PNISR: variants seen among roughly 807,000 people sequenced by gnomAD.
PNISR encodes the protein PNN interacting serine and arginine rich protein, also known as arginine/serine-rich protein PNISR.
Under a neutral mutation model 93.4 loss-of-function variants are expected in PNISR, and 20 were observed. That is an observed-to-expected ratio of 0.21 (90% CI 0.15 to 0.31). The LOEUF (loss-of-function observed/expected upper bound fraction) is 0.31, where lower values mean the gene tolerates loss of function less well. PNISR is among the 10% of genes least tolerant of loss of function. The pLI is 1.00. For missense variants in PNISR, 893 were observed against 985.4 expected (o/e 0.91, Z 1.25); for synonymous variants, 305 against 306.5 (o/e 0.99, Z 0.05).
At chr6:99,405,098 T>C (rs1435154451) in intron 8 of PNISR, among the ~76,000 whole-genome samples, 1 of 151,978 alleles carries the variant, frequency 6.6e-6, no homozygotes, top group Admixed American at 6.6e-5. Context: ...TTTTATAAAA[T>C]ATTTTTAGAC....
intron 11 of PNISR, among the ~76,000 whole-genome samples, chr6:99,402,012 G>C (rs1158415646): frequency 1.3e-5 from 2 of 152,158 alleles, no homozygotes; most frequent in Non-Finnish European, 2.9e-5. Flanking sequence ...ACAGTATCAA[G>C]ATGTAGAGGT....
intron 1 of PNISR, among the ~76,000 whole-genome samples, chr6:99,418,345 C>T (rs986173351): frequency 6.6e-6 from 1 of 151,624 alleles, no homozygotes. Context: ...CTATGCAGGT[C>T]AAGCTGGTCT....
chr6:99,417,043 T>C (rs1472402393), intron 1 of PNISR, among the ~76,000 whole-genome samples: 1 of 152,236 alleles, frequency 6.6e-6, no homozygotes, highest in Non-Finnish European at 1.5e-5. Flanking sequence ...GAGGAAGCTG[T>C]TAACTTCTAC....
chr6:99,421,445 T>C (rs1182165287), intron 1 of PNISR, among the ~76,000 whole-genome samples: 1 of 152,204 alleles, frequency 6.6e-6, no homozygotes, highest in East Asian at 1.9e-4. Flanking sequence ...TTTGCAGATG[T>C]ATTCAAATTA....
intron 1 of PNISR, among the ~76,000 whole-genome samples, chr6:99,418,065 T>C (rs10457644): frequency 0.29 from 43,793 of 151,878 alleles, 6,892 homozygotes; most frequent in Middle Eastern, 0.4. Flanking sequence ...GAGGTTTCAC[T>C]TTATCTTTGA....
At chr6:99,408,814 TG>T (rs1776477213) in intron 6 of PNISR, among the ~76,000 whole-genome samples, 1 of 152,212 alleles carries the variant, frequency 6.6e-6, no homozygotes, top group Admixed American at 6.5e-5. Context: ...GTGCATCAGA[TG>T]AACTAAGAGT....
rs572285428 is a variant in PNISR, at chr6:99,398,130, C to T, written c.*2410G>A. On this transcript the variant is annotated 3_prime_UTR_variant, in exon 12 of 12. Transcript: ENST00000369239. ...CACCTCTTTCAAATTACATTTTATTCCCTTAATGGTGTGGTTTACCCCCAC... is the reference window on the plus strand; with the variant it reads ...CACCTCTTTCAAATTACATTTTATTTCCTTAATGGTGTGGTTTACCCCCAC... The T allele has an allele frequency of 1.4e-4, 21 of 152,184 alleles. No individual in the cohort carries two copies. In the South Asian group the frequency reaches 3.9e-3, roughly 29 times the overall value. The allele number at this position is 152,184 out of a possible 1,614,324, so 9.4% of individuals were successfully genotyped here.
intron 1 of PNISR, among the ~76,000 whole-genome samples, chr6:99,416,645 A>G (rs1777738009): frequency 6.6e-6 from 1 of 152,200 alleles, no homozygotes; most frequent in African/African-American, 2.4e-5. Flanking sequence ...TTTCTTTCCA[A>G]ATCTTTTATT....
At chr6:99,413,924 T>G (rs1365297638) in intron 3 of PNISR, among the ~76,000 whole-genome samples, 2 of 152,186 alleles carry the variant, frequency 1.3e-5, no homozygotes, top group African/African-American at 2.4e-5. Context: ...GTACACAAGA[T>G]TATGCTAATT....
chr6:99,409,240 T>C lies in PNISR; in HGVS notation c.606A>G (p.Pro202=), dbSNP rs150820101. The change falls in exon 6 of 12, where the codon CCA becomes CCG. Residue 202 remains proline, a synonymous_variant. Coordinates refer to ENST00000369239, the MANE Select transcript of PNISR (RefSeq NM_032870.4). ...AACGCTGACGATCCCTGAATGATGATGGCCTTTCTCTTCGATTCTGGGGAG... is the reference window on the plus strand; with the variant it reads ...AACGCTGACGATCCCTGAATGATGACGGCCTTTCTCTTCGATTCTGGGGAG... ...PAPPQNRRER[P]SSFRDRQRSP... 45 of 1,614,030 alleles carry C rather than the reference T, an allele frequency of 2.8e-5. No individual in the cohort carries two copies. Among genetic ancestry groups the C allele is most frequent in the Non-Finnish European group, 3.7e-5 (44 of 1,179,916 alleles).
intron 1 of PNISR, among the ~76,000 whole-genome samples, chr6:99,422,330 C>T (rs1004145332): frequency 1.3e-5 from 2 of 152,126 alleles, no homozygotes; most frequent in South Asian, 4.1e-4. Context: ...TTTCTCAAAT[C>T]AACCACAAAG....
At chr6:99,420,130 G>A (rs1193073035) in intron 1 of PNISR, among the ~76,000 whole-genome samples, 2 of 152,132 alleles carry the variant, frequency 1.3e-5, no homozygotes, top group East Asian at 1.9e-4. Context: ...TGATCCTCCC[G>A]CCTCAGTCCC....
intron 1 of PNISR, among the ~76,000 whole-genome samples, chr6:99,423,815 T>A (rs1463565251): frequency 6.6e-6 from 1 of 152,196 alleles, no homozygotes; most frequent in African/African-American, 2.4e-5. Flanking sequence ...TCCTCACTGT[T>A]CTGGAGGCGT....
Position 99,412,671 on chromosome 6 carries a change from T to C in PNISR, c.157A>G (p.Met53Val), listed in dbSNP as rs761813717. The C allele has an allele frequency of 3.7e-6, 6 of 1,612,730 alleles. No individual in the cohort carries two copies. Among genetic ancestry groups the C allele is most frequent in the East Asian group, 4.5e-5 (2 of 44,842 alleles). Residue 53 changes from methionine to valine, a missense_variant, in exon 4 of 12, where the codon ATG becomes GTG. By Grantham distance (21) the Met-to-Val change is conservative. Around this residue, in one of 3 missense-constraint regions of PNISR, gnomAD observed 866 missense variants for 935.1 expected, o/e 0.93. Coordinates refer to ENST00000369239, the MANE Select transcript of PNISR (RefSeq NM_032870.4). ...AQREASGQQS[M>V]VEQPPGMMPN... ...ATCATTCCTGGTGGTTGTTCTACCATGCTTTGCTGTCCTGAAGCTTCTCTT... is the reference window on the plus strand; with the variant it reads ...ATCATTCCTGGTGGTTGTTCTACCACGCTTTGCTGTCCTGAAGCTTCTCTT...
Position 99,402,615 on chromosome 6 carries a change from G to T in PNISR, c.1252C>A (p.Arg418=), listed in dbSNP as rs760257437. Reference sequence around the variant, plus strand: ...AAAGCTTCCTGTTTTTGCCGGATTCGATGCCGTAATTCTTCATCATCAGTG... The same window carrying T: ...AAAGCTTCCTGTTTTTGCCGGATTCTATGCCGTAATTCTTCATCATCAGTG... ...SDTDDEELRH[R]IRQKQEAFWR... Residue 418 remains arginine (R), a synonymous_variant, in exon 11 of 12, where the codon CGA becomes AGA. Transcript: ENST00000369239. The T allele has an allele frequency of 6.2e-7, 1 of 1,613,058 alleles. No homozygotes were observed. The highest frequency in any genetic ancestry group is 1.1e-5 in the South Asian group (1 of 91,010).
At chr6:99,412,792 TA>T (rs1471971109) in intron 3 of PNISR, 53 bp from the exon 4 acceptor site, 1 of 1,060,380 alleles carries the variant, frequency 9.4e-7, no homozygotes, top group Non-Finnish European at 1.3e-6. Flanking sequence ...GTTAAAAGAA[TA>T]GTGCCTCTAT....
intron 7 of PNISR, among the ~76,000 whole-genome samples, chr6:99,406,620 T>C (rs1018312527): frequency 2.6e-5 from 4 of 152,084 alleles, no homozygotes; most frequent in Non-Finnish European, 2.9e-5. Flanking sequence ...AAATGAAAAA[T>C]CTCTAATCAG....
chr6:99,423,145 TA>T (rs1400259012), intron 1 of PNISR, among the ~76,000 whole-genome samples: 232 of 138,990 alleles, frequency 1.7e-3, no homozygotes, highest in East Asian at 1.6e-3. Context: ...AATAAAGTGC[TA>T]AAAAAAAAAA....
chr6:99,402,507 G>C, intron 11 of PNISR, 33 bp downstream of exon 11: 1 of 1,450,460 alleles, frequency 6.9e-7, no homozygotes, highest in East Asian at 2.3e-5. Flanking sequence ...ATACAAAACT[G>C]GACCAAAATT....
Sources: gnomAD v4.1 joint callset for allele counts (sites outside exome capture counted in the v4.1 genomes callset) on GRCh38, gnomAD v4.1.1 for gene constraint, gnomAD v4.1.1 regional missense constraint, MANE v1.5 for transcripts, NCBI Gene and HGNC (gene_info 2026-07-23, HGNC 2026-07-21) for gene names.